The following TPPP variants were observed in gnomAD, a reference collection of about 807,000 sequenced individuals.
TPPP encodes the protein tubulin polymerization promoting protein.
TPPP carries 6 observed loss-of-function variants against 15.5 expected under a neutral mutation model. That is an observed-to-expected ratio of 0.39 (90% CI 0.21 to 0.77). The LOEUF (loss-of-function observed/expected upper bound fraction) is 0.77. Among genes scored for constraint, TPPP ranks in the 30% least tolerant of loss-of-function variants. The probability of loss-of-function intolerance (pLI) is 0.42; values close to 1 mark genes in which losing one functional copy is unlikely to be tolerated. For synonymous variants in TPPP, 146 were observed against 133.9 expected, an observed-to-expected ratio of 1.09 and a Z score of -0.63; for missense variants, 269 against 307.2, an observed-to-expected ratio of 0.88 and a Z score of 0.93.
At chr5:674,353 G>A (rs1026652883) in intron 2 of TPPP, among the ~76,000 whole-genome samples, 2 of 152,198 alleles carry the variant, frequency 1.3e-5, no homozygotes, top group Non-Finnish European at 2.9e-5. Context: ...AGCACTGGGG[G>A]GCACAGGGGC....
At chr5:694,193 C>T (rs1283617104), upstream of TPPP, among the ~76,000 whole-genome samples, 1 of 151,604 alleles carries the variant, frequency 6.6e-6, no homozygotes, top group Non-Finnish European at 1.5e-5. Context: ...GGGCTCATTC[C>T]GCCCGGGGCT....
chr5:671,198 TTGC>T (rs1415875695), intron 2 of TPPP, among the ~76,000 whole-genome samples: 5 of 152,186 alleles, frequency 3.3e-5, no homozygotes, highest in Non-Finnish European at 5.9e-5. Context: ...CACCCTGCGC[TTGC>T]TGCTAATTAA....
chr5:694,362 A>T (rs2126919401), upstream of TPPP, among the ~76,000 whole-genome samples: 1 of 129,140 alleles, frequency 7.7e-6, no homozygotes, highest in African/African-American at 2.5e-5. Flanking sequence ...GCCTCTGGTG[A>T]CTTTCAGCTG....
intron 2 of TPPP, 28 bp downstream of exon 2, chr5:677,722 C>T: frequency 2.0e-6 from 3 of 1,523,256 alleles, no homozygotes; most frequent in Non-Finnish European, 2.6e-6. Flanking sequence ...AAGTCAGGTC[C>T]CTCGGCCCGT....
upstream of TPPP, among the ~76,000 whole-genome samples, chr5:694,331 A>G (rs1740979848): frequency 6.9e-6 from 1 of 144,006 alleles, no homozygotes; most frequent in South Asian, 2.2e-4. Context: ...GCCGAGGCGC[A>G]GCCCCCCAGG....
intron 2 of TPPP, among the ~76,000 whole-genome samples, chr5:667,497 G>A (rs1739969560): frequency 6.6e-6 from 1 of 152,160 alleles, no homozygotes; most frequent in Non-Finnish European, 1.5e-5. Flanking sequence ...TGTGACCTGG[G>A]GTTAGGCGAA....
upstream of TPPP, among the ~76,000 whole-genome samples, chr5:696,888 G>T (rs56316065): frequency 0.17 from 24,811 of 142,710 alleles, 16 homozygotes; most frequent in African/African-American, 0.33. Context: ...GTGTCTCTGT[G>T]TGTATGAGTG....
Position 677,871 on chromosome 5 carries a change from C to T in TPPP, c.190G>A (p.Ala64Thr), listed in dbSNP as rs144404274. Reference protein sequence around the residue: ...AFRRFAVHGDARATGREMHGK... With the variant: ...AFRRFAVHGDTRATGREMHGK... ...TGCATCTCCCTCCCGGTGGCCCTGG[C>T]GTCCCCGTGCACGGCAAAGCGCCGG... The change falls in exon 2 of 4, where the codon GCC (alanine) becomes ACC (threonine). Residue 64 changes from alanine to threonine, a missense_variant. Physicochemically the swap from Ala to Thr is moderately conservative, Grantham distance 58. Transcript: ENST00000360578. The T allele has an allele frequency of 4.3e-5, 69 of 1,612,648 alleles. No homozygotes were observed. In the African/African-American group the frequency reaches 5.6e-4, roughly 13 times the overall value.
intron 2 of TPPP, among the ~76,000 whole-genome samples, chr5:673,635 G>A (rs1313219014): frequency 6.6e-6 from 1 of 152,222 alleles, no homozygotes; most frequent in Non-Finnish European, 1.5e-5. Context: ...CTGGGCTTGG[G>A]CCACAGCTGT....
intron 1 of TPPP, among the ~76,000 whole-genome samples, chr5:684,218 C>A (rs575351537): frequency 2.2e-4 from 34 of 152,358 alleles, no homozygotes; most frequent in South Asian, 6.2e-4. Flanking sequence ...CATGACCTGG[C>A]CCCAGGACGC....
intron 1 of TPPP, 30 bp from the exon 2 acceptor site, chr5:678,094 A>G (rs1303792799): frequency 4.1e-6 from 6 of 1,468,268 alleles, no homozygotes; most frequent in Non-Finnish European, 5.4e-6. Context: ...GAAAGGTGTC[A>G]CCCGGGCCAT....
Position 677,031 on chromosome 5 carries a change from C to T in TPPP, c.311+719G>A, listed in dbSNP as rs557869205. ...ACGCAGAAACGCGCACACGTGCACA[C>T]ACGACGCGGAAACGCACACACGTGC... On this transcript the variant is annotated intron_variant, in intron 2 of 3. Coordinates refer to ENST00000360578, the MANE Select transcript of TPPP (RefSeq NM_007030.3). Among the ~76,000 whole-genome samples, 21 of 151,136 alleles carry T rather than the reference C, an allele frequency of 1.4e-4. No homozygotes were observed. In the South Asian group the frequency reaches 4.2e-3, roughly 30 times the overall value.
chr5:681,907 C>T (rs910380251), intron 1 of TPPP, among the ~76,000 whole-genome samples: 3 of 152,190 alleles, frequency 2.0e-5, no homozygotes, highest in Non-Finnish European at 4.4e-5. Context: ...GAATGCCTGT[C>T]CCAGGTGTGT....
chr5:678,819 GT>G (rs1561089840), intron 1 of TPPP, among the ~76,000 whole-genome samples: 2 of 152,222 alleles, frequency 1.3e-5, no homozygotes, highest in African/African-American at 4.8e-5. Flanking sequence ...GGGCCATGGG[GT>G]TGAGAAGACT....
chr5:671,898 T>G (rs1259055775), intron 2 of TPPP, among the ~76,000 whole-genome samples: 2 of 152,136 alleles, frequency 1.3e-5, no homozygotes, highest in African/African-American at 4.8e-5. Context: ...TCCCCCGGGC[T>G]GGGTACCACG....
At chr5:682,758 G>T (rs1337455935) in intron 1 of TPPP, among the ~76,000 whole-genome samples, 2 of 152,204 alleles carry the variant, frequency 1.3e-5, no homozygotes, top group Non-Finnish European at 2.9e-5. Flanking sequence ...CCCACGCGGG[G>T]GTGGCGCCGA....
chr5:700,091 C>T, the TPPP span, among the ~76,000 whole-genome samples: 2 of 151,944 alleles, frequency 1.3e-5, no homozygotes, highest in Non-Finnish European at 2.9e-5. Context: ...CCCCACTACT[C>T]GGTATATACC....
chr5:688,392 G>A (rs536877986), intron 1 of TPPP, among the ~76,000 whole-genome samples: 33 of 145,290 alleles, frequency 2.3e-4, no homozygotes, highest in Middle Eastern at 3.4e-3. Context: ...CGGACCACTC[G>A]CGCACAGTAT....
At chr5:679,055 C>T (rs1429455319) in intron 1 of TPPP, among the ~76,000 whole-genome samples, 1 of 152,180 alleles carries the variant, frequency 6.6e-6, no homozygotes, top group African/African-American at 2.4e-5. Flanking sequence ...GGCCTCTGCC[C>T]ACAGACACAA....
Sources: allele counts gnomAD v4.1 joint callset (sites outside exome capture counted in the v4.1 genomes callset), GRCh38; gene constraint gnomAD v4.1.1; transcripts MANE v1.5; gene names NCBI Gene and HGNC (gene_info 2026-07-23, HGNC 2026-07-21).